Variants in PTPRT observed in about 807,000 individuals in gnomAD.
PTPRT encodes the protein receptor-type tyrosine-protein phosphatase T.
PTPRT carries 56 observed loss-of-function variants against 176.8 expected under a neutral mutation model. That is an observed-to-expected ratio of 0.32 (90% CI 0.26 to 0.40). The LOEUF (loss-of-function observed/expected upper bound fraction) is 0.40. PTPRT is among the 10% of genes least tolerant of loss of function. The probability of loss-of-function intolerance (pLI) is 1.00; values close to 1 mark genes in which losing one functional copy is unlikely to be tolerated. For missense variants in PTPRT, 1,540 were observed against 1,908.2 expected (o/e 0.81, Z 3.60); for synonymous variants, 783 against 739.0 (o/e 1.06, Z -0.96).
At chr20:42,814,796 G>A (rs1157725560) in intron 2 of PTPRT, among the ~76,000 whole-genome samples, 1 of 152,132 alleles carries the variant, frequency 6.6e-6, no homozygotes, top group Non-Finnish European at 1.5e-5. Context: ...CTTCTCAGAA[G>A]GAAGGTTTTT....
chr20:42,296,447 A>AAC (rs201682457), intron 12 of PTPRT, among the ~76,000 whole-genome samples: 12 of 131,932 alleles, frequency 9.1e-5, no homozygotes, highest in South Asian at 2.6e-4. Flanking sequence ...CTCTGTCTCA[A>AAC]AAAAAAAAAA....
At chr20:42,923,007 G>A (rs535618300) in intron 1 of PTPRT, among the ~76,000 whole-genome samples, 14 of 152,066 alleles carry the variant, frequency 9.2e-5, no homozygotes, top group South Asian at 6.2e-4. Flanking sequence ...GCTACTTTGC[G>A]AATGGTCTTA....
intron 11 of PTPRT, among the ~76,000 whole-genome samples, chr20:42,322,716 T>C (rs973226378): frequency 6.6e-6 from 1 of 151,852 alleles, no homozygotes; most frequent in African/African-American, 2.4e-5. Context: ...ACTTCATGTC[T>C]AAAACACCAA....
intron 7 of PTPRT, among the ~76,000 whole-genome samples, chr20:42,534,505 G>A (rs374384168): frequency 1.3e-5 from 2 of 152,066 alleles, no homozygotes; most frequent in Admixed American, 6.5e-5. Context: ...GCATGGTGGC[G>A]AGCGCCTGTA....
chr20:42,862,207 G>C (rs2078674610), intron 2 of PTPRT, among the ~76,000 whole-genome samples: 1 of 152,156 alleles, frequency 6.6e-6, no homozygotes, highest in African/African-American at 2.4e-5. Context: ...GGAGGCCACT[G>C]TATTGAACCA....
chr20:42,122,447 A>G (rs1430238062), intron 19 of PTPRT, among the ~76,000 whole-genome samples: 1 of 152,190 alleles, frequency 6.6e-6, no homozygotes, highest in African/African-American at 2.4e-5. Context: ...CACAAGGGGT[A>G]GGAAGACCTA....
rs116075624 is a variant in PTPRT at position 42,392,374 on chromosome 20, G to T, written c.1561-40089C>A. Among the ~76,000 whole-genome samples, 599 of 152,096 alleles carry T rather than the reference G, an allele frequency of 3.9e-3. 4 individuals are homozygous for T. The highest frequency in any genetic ancestry group is 0.013 in the African/African-American group (549 of 41,454). ...AATAGGTTTTGATAAGAAAATAGAG[G>T]CTGACATTTTCCTCTACTGAAGGGC... On this transcript the variant is annotated intron_variant, in intron 9 of 30. Transcript: ENST00000373187.
chr20:42,422,187 A>G (rs1369375265), intron 9 of PTPRT, among the ~76,000 whole-genome samples: 1 of 152,268 alleles, frequency 6.6e-6, no homozygotes, highest in Non-Finnish European at 1.5e-5. Flanking sequence ...TTGCAACAAA[A>G]GCAAAACTTG....
intron 1 of PTPRT, among the ~76,000 whole-genome samples, chr20:43,036,852 A>G (rs557674466): frequency 1.3e-5 from 2 of 152,196 alleles, no homozygotes; most frequent in Non-Finnish European, 2.9e-5. Flanking sequence ...ATGAAAATTT[A>G]AAAAAATGGT....
intron 7 of PTPRT, among the ~76,000 whole-genome samples, chr20:42,493,268 A>G (rs1158411328): frequency 1.3e-5 from 2 of 152,170 alleles, no homozygotes; most frequent in Admixed American, 1.3e-4. Flanking sequence ...ATTTAAGTGC[A>G]GATTTGTGTT....
At chr20:42,546,741 AT>A (rs1215243202) in intron 7 of PTPRT, among the ~76,000 whole-genome samples, 4 of 152,134 alleles carry the variant, frequency 2.6e-5, no homozygotes, top group Non-Finnish European at 5.9e-5. Flanking sequence ...CCTAATTTCA[AT>A]ATTTTTTTGT....
intron 6 of PTPRT, among the ~76,000 whole-genome samples, chr20:42,731,259 TTTTA>T (rs1213833461): frequency 6.6e-6 from 1 of 152,196 alleles, no homozygotes; most frequent in Non-Finnish European, 1.5e-5. Context: ...TTGCACCAAA[TTTTA>T]TTTGAGTCTT....
chr20:42,174,580 G>A (rs1047225256), intron 16 of PTPRT, among the ~76,000 whole-genome samples: 1 of 152,196 alleles, frequency 6.6e-6, no homozygotes, highest in Non-Finnish European at 1.5e-5. Context: ...GGGGCCCTGT[G>A]TTGACAGGGA....
In PTPRT at chr20:42,848,442, G is replaced by A. The variant is rs185583056; in HGVS notation, c.214+37365C>T. ...GTACTAGTTTACATTCCCACCAGCAGTGTAAAGTGTTCCCTTTTCACCACA... is the reference window on the plus strand; with the variant it reads ...GTACTAGTTTACATTCCCACCAGCAATGTAAAGTGTTCCCTTTTCACCACA... On this transcript the variant is annotated intron_variant, in intron 2 of 30. Coordinates refer to ENST00000373187, the MANE Select transcript of PTPRT (RefSeq NM_007050.6). Among the ~76,000 whole-genome samples, 8 of 152,298 alleles carry A rather than the reference G, an allele frequency of 5.3e-5. No homozygotes were observed. In the East Asian group the frequency reaches 1.5e-3, roughly 29 times the overall value.
chr20:42,675,461 G>T (rs746110325), intron 7 of PTPRT, among the ~76,000 whole-genome samples: 76 of 152,066 alleles, frequency 5.0e-4, no homozygotes, highest in Non-Finnish European at 9.4e-4. Flanking sequence ...TTTGTATGTC[G>T]AACCATCAGA....
At chr20:42,774,509 T>C (rs1746546052) in intron 4 of PTPRT, among the ~76,000 whole-genome samples, 1 of 152,206 alleles carries the variant, frequency 6.6e-6, no homozygotes, top group Non-Finnish European at 1.5e-5. Flanking sequence ...CCAGACTTTA[T>C]ATGAAATCTC....
At chr20:42,382,193 G>C (rs1320960383) in intron 9 of PTPRT, among the ~76,000 whole-genome samples, 1 of 152,184 alleles carries the variant, frequency 6.6e-6, no homozygotes, top group East Asian at 1.9e-4. Flanking sequence ...TTACTGGTGA[G>C]CTGCATTGTT....
intron 27 of PTPRT, among the ~76,000 whole-genome samples, chr20:42,093,367 A>G (rs1047801954): frequency 2.0e-5 from 3 of 152,226 alleles, no homozygotes; most frequent in African/African-American, 7.2e-5. Flanking sequence ...GGAGTCCTAA[A>G]GAGTTAGAAA....
At chr20:42,250,114 C>T (rs1421367191) in intron 13 of PTPRT, among the ~76,000 whole-genome samples, 3 of 152,216 alleles carry the variant, frequency 2.0e-5, no homozygotes, top group East Asian at 1.9e-4. Flanking sequence ...ACACTTTGCA[C>T]ATGCCTCACA....
Sources: allele counts gnomAD v4.1 joint callset (sites outside exome capture counted in the v4.1 genomes callset), GRCh38; gene constraint gnomAD v4.1.1; transcripts MANE v1.5; gene names NCBI Gene and HGNC (gene_info 2026-07-23, HGNC 2026-07-21).